NIPAL3: variants seen among roughly 807,000 people sequenced by gnomAD.
The protein encoded by NIPAL3 is NIPA like domain containing 3, also known as NIPA-like protein 3.
A neutral mutation model predicts 47.2 loss-of-function variants in NIPAL3; 41 were observed. The ratio of observed to expected loss-of-function variants is 0.87; its 90% CI spans 0.68 to 1.13. The LOEUF (loss-of-function observed/expected upper bound fraction) is 1.13. Ranked by LOEUF, NIPAL3 falls within the 50% of genes most tolerant of loss-of-function variation. The probability of loss-of-function intolerance (pLI) is 0.00; values close to 1 mark genes in which losing one functional copy is unlikely to be tolerated. For synonymous variants in NIPAL3, 194 were observed against 209.6 expected (o/e 0.93, Z 0.64); for missense variants, 449 against 530.1 (o/e 0.85, Z 1.50).
intron 2 of NIPAL3, chr1:24,421,972 T>G (rs1377708786): frequency 6.6e-6 from 1 of 152,284 alleles, no homozygotes; most frequent in African/African-American, 2.4e-5. Context: ...CTCCTGCTGC[T>G]GCCACCGCAT....
intron 2 of NIPAL3, chr1:24,421,868 G>A (rs753599277): frequency 2.6e-5 from 4 of 152,220 alleles, no homozygotes; most frequent in South Asian, 2.1e-4. Context: ...GGCACAACTA[G>A]TAAGTTGTGC....
intron 2 of NIPAL3, among the ~76,000 whole-genome samples, chr1:24,420,883 A>G (rs2148745567): frequency 6.6e-6 from 1 of 152,288 alleles, no homozygotes; most frequent in African/African-American, 2.4e-5. Flanking sequence ...CTTTCCTTAG[A>G]TATAGTCATA....
intron 11 of NIPAL3, chr1:24,466,191 C>T (rs1421802141): frequency 2.6e-6 from 3 of 1,171,782 alleles, no homozygotes; most frequent in Non-Finnish European, 3.6e-6. Flanking sequence ...TGGCCCTTTC[C>T]TGTGGAACAG....
At position 24,416,851 on chromosome 1, in the gene NIPAL3, G is replaced by A. The variant is rs1341332188; in HGVS notation, c.-258+947G>A. On this transcript the variant is annotated intron_variant, in intron 1 of 11. Transcript: ENST00000374399. This position sits in a 1 kb window ranked among gnomAD's most constrained non-coding sequence, Gnocchi z 4.8. ...GCTTCAGAGGCCTGCGAGTTCCTGAGGCAGAGAGGGAAGCTGCTTTTTAAA... is the reference window on the plus strand; with the variant it reads ...GCTTCAGAGGCCTGCGAGTTCCTGAAGCAGAGAGGGAAGCTGCTTTTTAAA... The A allele has an allele frequency of 6.6e-6, 1 of 152,188 alleles. No individual in the cohort carries two copies. Among genetic ancestry groups the A allele is most frequent in the African/African-American group, 2.4e-5 (1 of 41,436 alleles). The allele number at this position is 152,188 out of a possible 1,614,324, so 9.4% of individuals were successfully genotyped here.
chr1:24,426,440 G>A (rs949091818), intron 2 of NIPAL3, among the ~76,000 whole-genome samples: 23 of 152,018 alleles, frequency 1.5e-4, no homozygotes, highest in African/African-American at 4.8e-4. Context: ...GATTACAGGC[G>A]TGTGCCACCA....
In NIPAL3 at chr1:24,438,367, C is replaced by T. The variant is rs533853126; in HGVS notation, c.94-1805C>T. Among the ~76,000 whole-genome samples the T allele has an allele frequency of 7.2e-5, 11 of 152,330 alleles. No homozygotes were observed. In the South Asian group the frequency reaches 2.3e-3, roughly 32 times the overall value. ...AGACTGGGGTCCCCTGGCTCCACAT[C>T]TTTCCCTTCTGTGGCAGCGCTGAGC... On this transcript the variant is annotated intron_variant, in intron 2 of 11. Coordinates refer to ENST00000374399, the MANE Select transcript of NIPAL3 (RefSeq NM_020448.5).
rs1221924552 is a variant in NIPAL3 at position 24,449,824 on chromosome 1, G to C, written c.540+198G>C. Among the ~76,000 whole-genome samples the C allele has an allele frequency of 3.3e-5, 5 of 152,142 alleles. No homozygotes were observed. Among genetic ancestry groups the C allele is most frequent in the Non-Finnish European group, 7.3e-5 (5 of 68,036 alleles). Reference sequence around the variant, plus strand: ...ATTTATGTAATATCAAAACTCTACTGGTGGGAGTGTAAATTGGTACAGCCA... The same window carrying C: ...ATTTATGTAATATCAAAACTCTACTCGTGGGAGTGTAAATTGGTACAGCCA... On this transcript the variant is annotated intron_variant, in intron 6 of 11. Coordinates refer to ENST00000374399, the MANE Select transcript of NIPAL3 (RefSeq NM_020448.5). This position sits in a 1 kb window ranked among gnomAD's most constrained non-coding sequence, Gnocchi z 4.5.
chr1:24,428,291 A>T (rs969537121), intron 2 of NIPAL3, among the ~76,000 whole-genome samples: 1 of 151,460 alleles, frequency 6.6e-6, no homozygotes, highest in Non-Finnish European at 1.5e-5. Flanking sequence ...AGAGAGAGAG[A>T]GAGAGAGAGA....
At chr1:24,438,846 A>G (rs1645246027) in intron 2 of NIPAL3, among the ~76,000 whole-genome samples, 1 of 151,840 alleles carries the variant, frequency 6.6e-6, no homozygotes, top group South Asian at 2.1e-4. Context: ...CAGTGGTGGA[A>G]TATGGATGGA....
At chr1:24,456,557 C>A (rs1570355032) in intron 8 of NIPAL3, among the ~76,000 whole-genome samples, 1 of 152,168 alleles carries the variant, frequency 6.6e-6, no homozygotes, top group Non-Finnish European at 1.5e-5. Context: ...TTGAGACTAG[C>A]CTGGCCAACA....
At chr1:24,442,953 G>A (rs1645466866) in intron 4 of NIPAL3, among the ~76,000 whole-genome samples, 1 of 152,186 alleles carries the variant, frequency 6.6e-6, no homozygotes, top group Non-Finnish European at 1.5e-5. Flanking sequence ...CTGGGTGACA[G>A]AGCAAGACCT....
In NIPAL3 at chr1:24,451,524, C is replaced by T. The variant is rs576954935; in HGVS notation, c.541-1884C>T. On this transcript the variant is annotated intron_variant, in intron 6 of 11. Transcript: ENST00000374399. This position sits in a 1 kb window ranked among gnomAD's most constrained non-coding sequence, Gnocchi z 4.5. ...CAGTGTGGGCAATGTGGCAAAACCC[C>T]GTCTCTATTTGGAAAAAAAAAAGTA... Among the ~76,000 whole-genome samples the T allele has an allele frequency of 8.6e-5, 13 of 151,792 alleles. No homozygotes were observed. The highest frequency in any genetic ancestry group is 3.4e-3 in the Middle Eastern group (1 of 294).
At chr1:24,424,241 C>T (rs1644469979) in intron 2 of NIPAL3, among the ~76,000 whole-genome samples, 2 of 152,118 alleles carry the variant, frequency 1.3e-5, no homozygotes, top group Admixed American at 1.3e-4. Context: ...GGACCTGGGT[C>T]CAAATCCCCA....
chr1:24,425,809 C>T lies in NIPAL3; in HGVS notation c.93+6169C>T, dbSNP rs544059814. 1.7e-4 allele frequency among the ~76,000 whole-genome samples: 26 copies of T among 152,212 alleles called. No homozygotes were observed. The East Asian group carries it at 3.5e-3, about 20-fold the overall frequency. On this transcript the variant is annotated intron_variant, in intron 2 of 11. Coordinates refer to ENST00000374399, the MANE Select transcript of NIPAL3 (RefSeq NM_020448.5). ...GACCGGAATTTACAGATAAGCAAACCGAAGCTGCCTGCACCACCCCCTGCT... is the reference window on the plus strand; with the variant it reads ...GACCGGAATTTACAGATAAGCAAACTGAAGCTGCCTGCACCACCCCCTGCT...
chr1:24,453,463 C>T lies in NIPAL3; in HGVS notation c.596C>T (p.Ala199Val), dbSNP rs140449002. Residue 199 changes from alanine (A) to valine (V), a missense_variant, in exon 7 of 12, where the codon GCC becomes GTC. Transcript: ENST00000374399. ...CTCTACTTCTACAAGGAGAAGAACG[C>T]CAACAACATTGTCGTGATTCTTCTC... The part of the protein sequence containing the change: ...LLLYFYKEKN[A>V]NNIVVILLLV... 6.2e-7 allele frequency: 1 copy of T among 1,613,644 alleles called. No homozygotes were observed. The highest frequency in any genetic ancestry group is 2.2e-5 in the East Asian group (1 of 44,856).
At chr1:24,418,920 GTT>G (rs57731517) in intron 1 of NIPAL3, among the ~76,000 whole-genome samples, 39 of 133,840 alleles carry the variant, frequency 2.9e-4, no homozygotes, top group South Asian at 9.7e-4. Context: ...TAGTGGAATT[GTT>G]TTTTTTTTTT....
chr1:24,442,086 A>G lies in NIPAL3; in HGVS notation c.194A>G (p.Lys65Arg), dbSNP rs760930822. 4.3e-6 allele frequency: 7 copies of G among 1,614,104 alleles called. No individual in the cohort carries two copies. Among genetic ancestry groups the G allele is most frequent in the Non-Finnish European group, 4.2e-6 (5 of 1,179,970 alleles). Reference sequence around the variant, plus strand: ...TGCCACATCCGCCTGGCAGGCTCCAAGGATCCCCGGGCCTATTTCAAGACC... The same window carrying G: ...TGCCACATCCGCCTGGCAGGCTCCAGGGATCCCCGGGCCTATTTCAAGACC... ...KYCHIRLAGS[K>R]DPRAYFKTKT... The change falls in exon 4 of 12, where the codon AAG becomes AGG. Residue 65 changes from lysine (K) to arginine (R), a missense_variant. Transcript: ENST00000374399.
Position 24,445,231 on chromosome 1 carries a change from G to A in NIPAL3, c.381G>A (p.Pro127=), listed in dbSNP as rs144375095. Residue 127 remains proline (P), a synonymous_variant, in exon 5 of 12, where the codon CCG becomes CCA. Coordinates refer to ENST00000374399, the MANE Select transcript of NIPAL3 (RefSeq NM_020448.5). ...GIIFIKEKWK[P]KDFLRRYVLS... is the part of the protein sequence containing the mutation. ...TATTCATCAAGGAAAAGTGGAAACCGAAAGACTTTCTGAGTAAGTTCAGTG... is the reference window on the plus strand; with the variant it reads ...TATTCATCAAGGAAAAGTGGAAACCAAAAGACTTTCTGAGTAAGTTCAGTG... 7,332 of 1,608,812 alleles carry A rather than the reference G, an allele frequency of 4.6e-3. 31 individuals are homozygous for A. Among genetic ancestry groups the A allele is most frequent in the Middle Eastern group, 0.012 (70 of 6,042 alleles).
Position 24,464,020 on chromosome 1 carries a change from C to T in NIPAL3, c.927-6C>T. 2 of 1,610,108 alleles carry T rather than the reference C, an allele frequency of 1.2e-6. No homozygotes were observed. Among genetic ancestry groups the T allele is most frequent in the Non-Finnish European group, 1.7e-6 (2 of 1,177,408 alleles). On this transcript the variant is annotated splice_region_variant and splice_polypyrimidine_tract_variant and intron_variant, in intron 10 of 11. Transcript: ENST00000374399. Reference sequence around the variant, plus strand: ...TTTCTCTTCCTATCTTATCTCCATTCCGCAGGTGCCTCATTGCATTCTTGG... The same window carrying T: ...TTTCTCTTCCTATCTTATCTCCATTTCGCAGGTGCCTCATTGCATTCTTGG...
Sources: allele counts gnomAD v4.1 joint callset (sites outside exome capture counted in the v4.1 genomes callset), GRCh38; gene constraint gnomAD v4.1.1; non-coding constraint Gnocchi (gnomAD v3.1); transcripts MANE v1.5; gene names NCBI Gene and HGNC (gene_info 2026-07-23, HGNC 2026-07-21).